The following ANKRD31 variants were observed in gnomAD, a reference collection of about 807,000 sequenced individuals.
ANKRD31 encodes the protein ankyrin repeat domain 31.
ANKRD31 carries 147 observed loss-of-function variants against 186.0 expected under a neutral mutation model. The ratio of observed to expected loss-of-function variants is 0.79; its 90% confidence interval spans 0.69 to 0.91. The LOEUF is 0.91. Among genes scored for constraint, ANKRD31 ranks in the 40% least tolerant of loss-of-function variants. ANKRD31 has a pLI of 0.00. For missense variants in ANKRD31, 1,986 were observed against 2,148.8 expected (o/e 0.92, Z 1.50); for synonymous variants, 673 against 736.4 (o/e 0.91, Z 1.39).
chr5:75,123,227 G>T (rs1332979269), intron 17 of ANKRD31, among the ~76,000 whole-genome samples: 1 of 151,492 alleles, frequency 6.6e-6, no homozygotes, highest in African/African-American at 2.4e-5. Context: ...AAAATACCTA[G>T]GAATATAGTT....
chr5:75,199,600 T>C (rs1195478599), intron 6 of ANKRD31, 31 bp downstream of exon 6: 96 of 1,494,610 alleles, frequency 6.4e-5, no homozygotes, highest in Non-Finnish European at 8.1e-5. Context: ...ACTCACAGTC[T>C]ACATAGTTAA....
In ANKRD31 at chr5:75,147,256, C is replaced by G. The variant is rs1400767540; in HGVS notation, c.2155G>C (p.Asp719His). The G allele has an allele frequency of 6.5e-7, 1 of 1,536,026 alleles. No homozygotes were observed. Among genetic ancestry groups the G allele is most frequent in the Non-Finnish European group, 8.7e-7 (1 of 1,146,232 alleles). Residue 719 changes from aspartate (D) to histidine (H), a missense_variant, in exon 14 of 26, where the codon GAT (aspartate) becomes CAT (histidine). Coordinates refer to ENST00000506364, the MANE Select transcript of ANKRD31 (RefSeq NM_001372053.1). ...CCTTTTGGTACGTTTGTGTTGGGAT[C>G]TTTGACGTTATGGAGATTGCCCTTT... ...LRKGNLHNVK[D>H]PNTNVPKGIG... is the part of the protein sequence containing the mutation.
intron 21 of ANKRD31, among the ~76,000 whole-genome samples, chr5:75,107,188 AC>A (rs1270100391): frequency 6.6e-6 from 1 of 152,048 alleles, no homozygotes; most frequent in Non-Finnish European, 1.5e-5. Flanking sequence ...CAAAAAAGAA[AC>A]TTTTTTAGTG....
In ANKRD31 at chr5:75,120,294, T is replaced by C. The variant is rs377758003; in HGVS notation, c.3877-1997A>G. 2.2e-4 allele frequency among the ~76,000 whole-genome samples: 34 copies of C among 152,154 alleles called. No individual in the cohort carries two copies. The East Asian group carries it at 3.7e-3, about 16-fold the overall frequency. ...CTTCTAGTCTCAGCTACTTGAGAGG[T>C]TGAAGCTGGAGGATTACTTGACCCT... On this transcript the variant is annotated intron_variant, in intron 17 of 25. Coordinates refer to ENST00000506364, the MANE Select transcript of ANKRD31 (RefSeq NM_001372053.1).
At chr5:75,183,501 C>G (rs1254993916) in intron 10 of ANKRD31, among the ~76,000 whole-genome samples, 1 of 151,980 alleles carries the variant, frequency 6.6e-6, no homozygotes, top group African/African-American at 2.4e-5. Context: ...ATGATATGGT[C>G]TTATATATAG....
Position 75,195,906 on chromosome 5 carries a change from G to T in ANKRD31, c.742C>A (p.Arg248Ser). The T allele has an allele frequency of 6.5e-7, 1 of 1,536,374 alleles. No individual in the cohort carries two copies. The highest frequency in any genetic ancestry group is 8.7e-7 in the Non-Finnish European group (1 of 1,146,388). Residue 248 changes from arginine to serine, a missense_variant, in exon 7 of 26, where the codon CGT becomes AGT. Coordinates refer to ENST00000506364, the MANE Select transcript of ANKRD31 (RefSeq NM_001372053.1). ...RLFELVSDFD[R>S]KELMNPLSDS... ...CTCAATGGGTTCATCAATTCTTTACGATCAAAATCACTTACTAATTCAAAC... is the reference window on the plus strand; with the variant it reads ...CTCAATGGGTTCATCAATTCTTTACTATCAAAATCACTTACTAATTCAAAC...
intron 4 of ANKRD31, among the ~76,000 whole-genome samples, chr5:75,207,606 A>C (rs578057290): frequency 2.0e-5 from 3 of 152,146 alleles, no homozygotes; most frequent in African/African-American, 2.4e-5. Context: ...ACATTATGAC[A>C]CAAGAAAATA....
chr5:75,220,140 G>C (rs954035449), intron 3 of ANKRD31, among the ~76,000 whole-genome samples: 2 of 152,088 alleles, frequency 1.3e-5, no homozygotes, highest in Non-Finnish European at 2.9e-5. Context: ...ACTGACAAAT[G>C]GGACCTAATT....
chr5:75,163,483 AG>A (rs991624681), intron 11 of ANKRD31, among the ~76,000 whole-genome samples: 17 of 152,182 alleles, frequency 1.1e-4, no homozygotes, highest in African/African-American at 3.6e-4. Context: ...TTGCAGCTGA[AG>A]GGAGCTAAGA....
intron 2 of ANKRD31, among the ~76,000 whole-genome samples, chr5:75,227,789 C>T (rs571020803): frequency 3.9e-5 from 6 of 152,260 alleles, no homozygotes; most frequent in East Asian, 1.9e-4. Flanking sequence ...CAGGCTGCAC[C>T]GCAGAAGGTA....
chr5:75,072,452 A>G (rs1744311624), intron 25 of ANKRD31, among the ~76,000 whole-genome samples: 1 of 152,184 alleles, frequency 6.6e-6, no homozygotes, highest in African/African-American at 2.4e-5. Context: ...GTTTACTTCA[A>G]GATGTAAACC....
intron 3 of ANKRD31, among the ~76,000 whole-genome samples, chr5:75,220,148 A>G (rs1270628927): frequency 6.6e-6 from 1 of 152,232 alleles, no homozygotes; most frequent in African/African-American, 2.4e-5. Context: ...ATGGGACCTA[A>G]TTAAACCAAA....
chr5:75,103,360 C>A (rs147663010), intron 22 of ANKRD31, among the ~76,000 whole-genome samples: 2 of 152,082 alleles, frequency 1.3e-5, no homozygotes, highest in South Asian at 2.1e-4. Context: ...CTGATGCTGG[C>A]GAGGTTGCAG....
In ANKRD31 at chr5:75,159,333, A is replaced by C. The variant is rs78844700; in HGVS notation, c.1708-4988T>G. ...AGAGAAAAATATTCAAAGAAATAAT[A>C]GCTGAAAACTTGCCAAATCTGATGC... On this transcript the variant is annotated intron_variant, in intron 11 of 25. Transcript: ENST00000506364. Among the ~76,000 whole-genome samples, 58 of 152,314 alleles carry C rather than the reference A, an allele frequency of 3.8e-4. No individual in the cohort carries two copies. In the East Asian group the frequency reaches 7.9e-3, roughly 21 times the overall value.
intron 8 of ANKRD31, 53 bp downstream of exon 8, chr5:75,193,258 A>G (rs946704890): frequency 1.3e-6 from 2 of 1,487,928 alleles, no homozygotes; most frequent in East Asian, 2.5e-5. Flanking sequence ...GCATATAATT[A>G]TCTATAATGT....
intron 5 of ANKRD31, among the ~76,000 whole-genome samples, 173 bp downstream of exon 5, chr5:75,206,216 CAAAAAAAAAAAAAAAAAAAAAA>C (rs1191388849): frequency 2.7e-4 from 4 of 14,900 alleles, no homozygotes; most frequent in African/African-American, 6.5e-4. Context: ...ACATCTCTAC[CAAAAAAAAAAAAAAAAAAAAAA>C]AAAAAAAAAA....
chr5:75,080,243 A>G (rs1744979623), intron 25 of ANKRD31, among the ~76,000 whole-genome samples: 1 of 152,236 alleles, frequency 6.6e-6, no homozygotes, highest in African/African-American at 2.4e-5. Flanking sequence ...CAATCAAAGT[A>G]AATCCAGTTT....
intron 10 of ANKRD31, among the ~76,000 whole-genome samples, chr5:75,169,842 GT>G (rs1431018866): frequency 6.6e-6 from 1 of 152,086 alleles, no homozygotes; most frequent in Non-Finnish European, 1.5e-5. Context: ...ATCACAGAAT[GT>G]TTACCAGCAT....
rs1418001139 is a variant in ANKRD31, at chr5:75,147,074, T to C, written c.2337A>G (p.Glu779=). Residue 779 remains glutamate, a synonymous_variant, in exon 14 of 26, where the codon GAA becomes GAG. Transcript: ENST00000506364. ...GAGTTAAGCTGGAAGGTTCACACAATTCTTCTGGAAGGTCATTATGAGTTT... is the reference window on the plus strand; with the variant it reads ...GAGTTAAGCTGGAAGGTTCACACAACTCTTCTGGAAGGTCATTATGAGTTT... ...IPETHNDLPE[E]LCEPSSLTLS... The C allele has an allele frequency of 5.9e-6, 9 of 1,536,308 alleles. No homozygotes were observed. The East Asian group carries it at 2.0e-4, about 33-fold the overall frequency.
Sources: allele counts gnomAD v4.1 joint callset (sites outside exome capture counted in the v4.1 genomes callset), GRCh38; gene constraint gnomAD v4.1.1; transcripts MANE v1.5; gene names NCBI Gene and HGNC (gene_info 2026-07-23, HGNC 2026-07-21).